EVC: variants seen among roughly 807,000 people sequenced by gnomAD.
The protein encoded by EVC is EvC ciliary complex subunit 1, also known as evC complex member EVC.
In EVC, 116 loss-of-function variants were observed where a neutral mutation model predicts 118.9. That is an observed-to-expected ratio of 0.98 (90% CI 0.84 to 1.14). The LOEUF is 1.14. Ranked by LOEUF, EVC falls within the 50% of genes most tolerant of loss-of-function variation. The pLI, the probability that EVC is intolerant of heterozygous loss-of-function variation, is 0.00. For missense variants in EVC, 1,401 were observed against 1,246.4 expected, an observed-to-expected ratio of 1.12 and a Z score of -1.87; for synonymous variants, 619 against 534.7, an observed-to-expected ratio of 1.16 and a Z score of -2.18.
chr4:5,724,677 G>A (rs903746703), intron 2 of EVC, among the ~76,000 whole-genome samples: 12 of 149,858 alleles, frequency 8.0e-5, no homozygotes, highest in Admixed American at 3.4e-4. Flanking sequence ...GGGAGGTAGC[G>A]TACGTTGGTG....
At chr4:5,792,550 C>T (rs933292740) in intron 12 of EVC, among the ~76,000 whole-genome samples, 13 of 152,204 alleles carry the variant, frequency 8.5e-5, no homozygotes, top group Non-Finnish European at 1.3e-4. Flanking sequence ...AATAACAGAC[C>T]GATCAGACCG....
At chr4:5,823,051 T>C in the EVC span, among the ~76,000 whole-genome samples, 25 of 152,314 alleles carry the variant, frequency 1.6e-4, no homozygotes, top group East Asian at 4.2e-3. Context: ...TTTTTTTTAC[T>C]AGCTGCAGAA....
At chr4:5,817,543 C>T (rs535691660), downstream of EVC, among the ~76,000 whole-genome samples, 8 of 152,310 alleles carry the variant, frequency 5.3e-5, no homozygotes, top group African/African-American at 1.7e-4. Context: ...CTCTGCAGGT[C>T]TGCACTAAGA....
At chr4:5,808,144 T>TCCCCC in intron 17 of EVC, 57 bp from the exon 18 acceptor site, 3 of 238,618 alleles carry the variant, frequency 1.3e-5, no homozygotes, top group South Asian at 5.7e-5. Flanking sequence ...CCTCCCTCCC[T>TCCCCC]CCCTCCCTCC....
At chr4:5,780,806 A>T (rs1249661367) in intron 11 of EVC, among the ~76,000 whole-genome samples, 2 of 152,216 alleles carry the variant, frequency 1.3e-5, no homozygotes, top group African/African-American at 4.8e-5. Flanking sequence ...CTATAGTTGT[A>T]CCCATGGCTA....
intron 11 of EVC, among the ~76,000 whole-genome samples, chr4:5,761,702 G>A (rs967362487): frequency 2.0e-5 from 3 of 151,862 alleles, no homozygotes; most frequent in Admixed American, 2.0e-4. Context: ...GATCAGCATG[G>A]AGTCTTTTGA....
chr4:5,755,896 C>G lies in EVC; in HGVS notation c.1465-368C>G, dbSNP rs1731095212. On this transcript the variant is annotated intron_variant, in intron 10 of 20. Coordinates refer to ENST00000264956, the MANE Select transcript of EVC (RefSeq NM_153717.3). The surrounding 1 kb of genome is among the most constrained non-coding windows in gnomAD (Gnocchi z 4.1). ...TGCTGACTGCACTGACCTCCAATCG[C>G]CAGTCTGTGTCACCCCTGCTGGGTT... 6.6e-6 allele frequency among the ~76,000 whole-genome samples: 1 copy of G among 152,148 alleles called. No individual in the cohort carries two copies. Among genetic ancestry groups the G allele is most frequent in the Non-Finnish European group, 1.5e-5 (1 of 68,038 alleles).
chr4:5,810,620 G>A (rs1348265036), intron 20 of EVC, among the ~76,000 whole-genome samples, 170 bp downstream of exon 20: 2 of 152,196 alleles, frequency 1.3e-5, no homozygotes, highest in Admixed American at 1.3e-4. Context: ...AAGCCATGAT[G>A]ATACCAGGGG....
chr4:5,735,895 C>T (rs1418495561), intron 5 of EVC, among the ~76,000 whole-genome samples: 3 of 152,158 alleles, frequency 2.0e-5, no homozygotes, highest in Admixed American at 6.5e-5. Flanking sequence ...ATAACTCTAT[C>T]GTCGTGTGCT....
chr4:5,828,619 A>C, the EVC span: 1 of 1,614,182 alleles, frequency 6.2e-7, no homozygotes, highest in Admixed American at 1.7e-5. Context: ...GATGACCACT[A>C]GTGGGGAGCC....
rs764556070 is a variant in EVC at position 5,753,932 on chromosome 4, A to G, written c.1463A>G (p.Glu488Gly). 2.5e-6 allele frequency: 4 copies of G among 1,612,732 alleles called. No homozygotes were observed. The highest frequency in any genetic ancestry group is 1.7e-6 in the Non-Finnish European group (2 of 1,180,000). Residue 488 changes from glutamate (E) to glycine (G), a missense_variant and splice_region_variant, in exon 10 of 21, where the codon GAG (glutamate) becomes GGG (glycine). Glu to Gly is a moderately conservative substitution (Grantham distance 98). Coordinates refer to ENST00000264956, the MANE Select transcript of EVC (RefSeq NM_153717.3). The stretch of plus-strand genomic sequence containing the variant: ...ACTGCTGACCCGGAAAAGTTTCTCG[A>G]GGTGACTCACATCCCCAGCCTCTGC... ...QPTADPEKFL[E>G]AFHEVLERQR...
intron 7 of EVC, among the ~76,000 whole-genome samples, chr4:5,747,809 G>A (rs1324291587): frequency 6.6e-6 from 1 of 152,150 alleles, no homozygotes; most frequent in East Asian, 1.9e-4. Flanking sequence ...AAGCTTCCAT[G>A]AGCACATTGT....
At chr4:5,757,337 G>A (rs1731320639) in intron 11 of EVC, among the ~76,000 whole-genome samples, 1 of 152,202 alleles carries the variant, frequency 6.6e-6, no homozygotes. Flanking sequence ...AGGCCCAAGT[G>A]GACAAGGAGT....
At chr4:5,769,898 C>A (rs564432274) in intron 11 of EVC, among the ~76,000 whole-genome samples, 2 of 152,284 alleles carry the variant, frequency 1.3e-5, no homozygotes, top group African/African-American at 4.8e-5. Flanking sequence ...ACCTTCACTT[C>A]TTCTGATGTC....
rs1253552259 is a variant in EVC, at chr4:5,789,623, A to G, written c.1777-3985A>G. Among the ~76,000 whole-genome samples the G allele has an allele frequency of 6.6e-6, 1 of 152,212 alleles. No individual in the cohort carries two copies. Among genetic ancestry groups the G allele is most frequent in the African/African-American group, 2.4e-5 (1 of 41,452 alleles). On this transcript the variant is annotated intron_variant, in intron 12 of 20. Transcript: ENST00000264956. This position sits in a 1 kb window ranked among gnomAD's most constrained non-coding sequence, Gnocchi z 4.3. ...TACATGAGAGTTTGAAACAAAGAGT[A>G]AAACTTACTTGAGGCCACAAAATGA...
At chr4:5,823,924 G>A in the EVC span, among the ~76,000 whole-genome samples, 1 of 152,322 alleles carries the variant, frequency 6.6e-6, no homozygotes, top group East Asian at 1.9e-4. Context: ...CTGTGAGGTT[G>A]TTATGATGTT....
chr4:5,724,324 G>A (rs1396449200), intron 2 of EVC, among the ~76,000 whole-genome samples: 3 of 152,206 alleles, frequency 2.0e-5, no homozygotes, highest in Non-Finnish European at 2.9e-5. Context: ...ATTGGTGGTC[G>A]GTTGGATGTG....
intron 11 of EVC, among the ~76,000 whole-genome samples, chr4:5,766,417 G>A (rs1264213844): frequency 4.3e-4 from 57 of 132,786 alleles, no homozygotes; most frequent in African/African-American, 8.2e-4. Context: ...TCTTGGTGGC[G>A]TTCTCTGTAT....
At chr4:5,772,456 C>A (rs567392464) in intron 11 of EVC, among the ~76,000 whole-genome samples, 2 of 152,202 alleles carry the variant, frequency 1.3e-5, no homozygotes, top group South Asian at 4.1e-4. Context: ...TCCAGGAATT[C>A]TTGGCTACCT....
Sources: gnomAD v4.1 joint callset for allele counts (sites outside exome capture counted in the v4.1 genomes callset) on GRCh38, gnomAD v4.1.1 for gene constraint, Gnocchi (gnomAD v3.1) non-coding constraint, MANE v1.5 for transcripts, NCBI Gene and HGNC (gene_info 2026-07-23, HGNC 2026-07-21) for gene names.